Variants in FHIT observed in about 807,000 individuals in gnomAD.
FHIT encodes bis(5'-adenosyl)-triphosphatase.
FHIT carries 19 observed loss-of-function variants against 17.9 expected under a neutral mutation model. That is an observed-to-expected ratio of 1.06 (90% CI 0.74 to 1.56). The LOEUF (loss-of-function observed/expected upper bound fraction) is 1.56, where lower values mean the gene tolerates loss of function less well. Among genes scored for constraint, FHIT ranks in the 40% most tolerant of loss-of-function variants. The pLI, the probability that FHIT is intolerant of heterozygous loss-of-function variation, is 0.00. For missense variants in FHIT, 248 were observed against 189.2 expected, an observed-to-expected ratio of 1.31 and a Z score of -1.82; for synonymous variants, 81 against 69.7, an observed-to-expected ratio of 1.16 and a Z score of -0.81.
intron 5 of FHIT, among the ~76,000 whole-genome samples, chr3:60,208,539 A>C (rs1452886075): frequency 6.6e-6 from 1 of 152,238 alleles, no homozygotes; most frequent in Non-Finnish European, 1.5e-5. Context: ...TTAAATTTAC[A>C]CTTAGCATTT....
chr3:60,367,239 T>TG (rs1700143504), intron 5 of FHIT, among the ~76,000 whole-genome samples: 1 of 152,200 alleles, frequency 6.6e-6, no homozygotes, highest in East Asian at 1.9e-4. Flanking sequence ...TAATGCTGCC[T>TG]GGACATTCAA....
chr3:60,530,315 A>C (rs944456355), intron 5 of FHIT, among the ~76,000 whole-genome samples: 1 of 152,170 alleles, frequency 6.6e-6, no homozygotes. Context: ...CAACATGTAC[A>C]TGCCTCAGGA....
At chr3:60,173,372 G>C (rs946246391) in intron 5 of FHIT, among the ~76,000 whole-genome samples, 1 of 152,092 alleles carries the variant, frequency 6.6e-6, no homozygotes, top group Admixed American at 6.5e-5. Flanking sequence ...TTCTGAGTCA[G>C]CCACCCTGGT....
At chr3:60,236,024 C>T (rs1474659759) in intron 5 of FHIT, among the ~76,000 whole-genome samples, 1 of 151,964 alleles carries the variant, frequency 6.6e-6, no homozygotes, top group Admixed American at 6.6e-5. Flanking sequence ...CTCAGACATA[C>T]TCTTCTGCTG....
chr3:60,557,313 C>T (rs935032106), intron 4 of FHIT, among the ~76,000 whole-genome samples: 41 of 152,096 alleles, frequency 2.7e-4, no homozygotes, highest in African/African-American at 9.9e-4. Context: ...CTTCTGCCCA[C>T]ATTGCATTAT....
chr3:60,441,707 T>C (rs1576659074), intron 5 of FHIT, among the ~76,000 whole-genome samples: 1 of 4,606 alleles, frequency 2.2e-4, no homozygotes, highest in South Asian at 2.6e-3. Flanking sequence ...GGTATTTATA[T>C]ATATATATAT....
At chr3:60,695,383 G>A (rs1480761525) in intron 4 of FHIT, among the ~76,000 whole-genome samples, 3 of 152,126 alleles carry the variant, frequency 2.0e-5, no homozygotes, top group African/African-American at 7.2e-5. Context: ...GCGACAGAGT[G>A]AGACTCTGTC....
At chr3:60,016,979 A>C (rs1188921371) in intron 5 of FHIT, among the ~76,000 whole-genome samples, 3 of 152,198 alleles carry the variant, frequency 2.0e-5, no homozygotes, top group Non-Finnish European at 4.4e-5. Context: ...TTTCTTATAG[A>C]AAATTAGAAA....
At position 59,978,681 on chromosome 3, in the gene FHIT, A is replaced by G. The variant is rs112292324; in HGVS notation, c.279+32690T>C. ...CAACCTCCAAAATTACTGCAAAACT[A>G]TGTGCATATGCCTATCCAATAGTTT... On this transcript the variant is annotated intron_variant, in intron 7 of 9. Transcript: ENST00000492590. 2.0e-3 allele frequency among the ~76,000 whole-genome samples: 301 copies of G among 149,772 alleles called. 1 individual carries two copies. The highest frequency in any genetic ancestry group is 2.3e-3 in the Non-Finnish European group (156 of 67,412).
intron 3 of FHIT, among the ~76,000 whole-genome samples, chr3:60,976,921 A>G (rs976388449): frequency 6.6e-6 from 1 of 151,208 alleles, no homozygotes; most frequent in Non-Finnish European, 1.5e-5. Flanking sequence ...CTGAATTTCT[A>G]TTAAAGGATT....
intron 7 of FHIT, among the ~76,000 whole-genome samples, chr3:59,946,222 T>A (rs766598607): frequency 6.6e-6 from 1 of 152,192 alleles, no homozygotes; most frequent in Non-Finnish European, 1.5e-5. Flanking sequence ...TAATTCTCAA[T>A]GTAAAGATCT....
intron 4 of FHIT, among the ~76,000 whole-genome samples, chr3:60,677,031 T>C (rs1206986767): frequency 1.3e-5 from 2 of 152,048 alleles, no homozygotes; most frequent in Non-Finnish European, 2.9e-5. Flanking sequence ...TGTGGCACCA[T>C]GCCCAGCTAA....
rs1012310213 is a variant in FHIT at position 60,279,091 on chromosome 3, A to C, written c.103+257769T>G. Among the ~76,000 whole-genome samples the C allele has an allele frequency of 1.4e-4, 22 of 152,120 alleles. 1 individual carries two copies. Among genetic ancestry groups the C allele is most frequent in the Non-Finnish European group, 2.9e-5 (2 of 68,016 alleles). On this transcript the variant is annotated intron_variant, in intron 5 of 9. Coordinates refer to ENST00000492590, the MANE Select transcript of FHIT (RefSeq NM_002012.4). ...AATCAATCAGAGAAAAATTAACAAA[A>C]CCAAAAGCTAATTATTTTCAAAAGA...
chr3:61,136,663 G>A (rs1430209739), intron 2 of FHIT, among the ~76,000 whole-genome samples: 1 of 152,188 alleles, frequency 6.6e-6, no homozygotes, highest in Non-Finnish European at 1.5e-5. Context: ...TGCTTCAGCA[G>A]AGACTGGGAT....
At chr3:60,704,741 T>C (rs9811304) in intron 4 of FHIT, among the ~76,000 whole-genome samples, 16,756 of 152,146 alleles carry the variant, frequency 0.11, 1,989 homozygotes, top group African/African-American at 0.3. Flanking sequence ...GTCAGGGTCA[T>C]ACCTTCCTTA....
intron 4 of FHIT, among the ~76,000 whole-genome samples, chr3:60,696,261 T>C (rs2041112156): frequency 6.6e-6 from 1 of 152,146 alleles, no homozygotes. Flanking sequence ...AGATCAGTTT[T>C]AAGGTTCCTT....
intron 4 of FHIT, among the ~76,000 whole-genome samples, chr3:60,590,076 T>G (rs966440928): frequency 1.3e-5 from 2 of 152,082 alleles, no homozygotes; most frequent in East Asian, 3.9e-4. Flanking sequence ...TCTTCCAAGT[T>G]TTAAAAATAA....
chr3:60,874,924 A>C (rs2107089579), intron 3 of FHIT, among the ~76,000 whole-genome samples: 1 of 152,174 alleles, frequency 6.6e-6, no homozygotes, highest in East Asian at 1.9e-4. Flanking sequence ...ACGTTTACTT[A>C]ATCATGTCTT....
intron 5 of FHIT, among the ~76,000 whole-genome samples, chr3:60,217,992 C>G (rs1290139593): frequency 1.3e-5 from 2 of 152,102 alleles, no homozygotes; most frequent in African/African-American, 4.8e-5. Flanking sequence ...ATGCCATTCT[C>G]AATTTTTGGT....
Sources: gnomAD v4.1 joint callset for allele counts (sites outside exome capture counted in the v4.1 genomes callset) on GRCh38, gnomAD v4.1.1 for gene constraint, MANE v1.5 for transcripts, NCBI Gene and HGNC (gene_info 2026-07-23, HGNC 2026-07-21) for gene names.